NF1: variants seen among roughly 807,000 people sequenced by gnomAD.
The protein encoded by NF1 is neurofibromin 1, also known as neurofibromin.
NF1 carries 122 observed loss-of-function variants against 325.7 expected under a neutral mutation model. That is an observed-to-expected ratio of 0.37 (90% CI 0.32 to 0.44). The LOEUF is 0.44. NF1 is among the 20% of genes least tolerant of loss of function. The pLI, the probability that NF1 is intolerant of heterozygous loss-of-function variation, is 1.00. For missense variants in NF1, 2,140 were observed against 3,415.4 expected (o/e 0.63, Z 9.31); for synonymous variants, 1,091 against 1,186.0 (o/e 0.92, Z 1.65).
intron 1 of NF1, among the ~76,000 whole-genome samples, chr17:31,097,138 C>T (rs1031218165): frequency 1.3e-5 from 2 of 151,578 alleles, no homozygotes; most frequent in Non-Finnish European, 2.9e-5. Flanking sequence ...GCTTATTTGC[C>T]ATATTGGAAA....
At chr17:31,242,025 T>G (rs1035374047) in intron 29 of NF1, among the ~76,000 whole-genome samples, 2 of 152,076 alleles carry the variant, frequency 1.3e-5, no homozygotes, top group Non-Finnish European at 2.9e-5. Context: ...GGTAAAAGTT[T>G]TTTTTTTTTC....
At position 31,259,077 on chromosome 17, in the gene NF1, C is replaced by G. The variant is rs377295676; in HGVS notation, c.4378C>G (p.His1460Asp). The G allele has an allele frequency of 6.2e-7, 1 of 1,604,778 alleles. No individual in the cohort carries two copies. The highest frequency in any genetic ancestry group is 8.5e-7 in the Non-Finnish European group (1 of 1,174,540). Reference sequence around the variant, plus strand: ...TCATGTTCTCTTCACAAAAGAAGAACATATGCGGCCTTTCAATGATTTTGT... The same window carrying G: ...TCATGTTCTCTTCACAAAAGAAGAAGATATGCGGCCTTTCAATGATTTTGT... ...ANHVLFTKEE[H>D]MRPFNDFVKS... Residue 1460 changes from histidine to aspartate, a missense_variant, in exon 33 of 58, where the codon CAT becomes GAT. Physicochemically the swap from His to Asp is moderately conservative, Grantham distance 81. This residue lies in a region of NF1 where 336 missense variants were observed against 399.0 expected (regional missense o/e 0.84). Coordinates refer to ENST00000358273, the MANE Select transcript of NF1 (RefSeq NM_001042492.3).
chr17:31,270,989 C>G (rs2067883447), intron 36 of NF1, among the ~76,000 whole-genome samples: 1 of 152,152 alleles, frequency 6.6e-6, no homozygotes, highest in Non-Finnish European at 1.5e-5. Context: ...TCATTTATTA[C>G]TAAAGTTTGG....
At chr17:31,248,220 C>CCCAA (rs2067432337) in intron 29 of NF1, among the ~76,000 whole-genome samples, 9 of 126,222 alleles carry the variant, frequency 7.1e-5, no homozygotes, top group Non-Finnish European at 9.9e-5. Context: ...CACCCCCCAC[C>CCCAA]AAAAAAAAAA....
intron 4 of NF1, among the ~76,000 whole-genome samples, chr17:31,166,244 C>T (rs974590542): frequency 2.6e-5 from 4 of 151,916 alleles, no homozygotes; most frequent in African/African-American, 7.3e-5. Context: ...CAAATCTGTT[C>T]GTTATGGTTT....
intron 36 of NF1, chr17:31,305,527 G>A (rs1479318642): frequency 3.7e-6 from 6 of 1,614,124 alleles, no homozygotes; most frequent in Middle Eastern, 1.6e-4. Context: ...CTGCTTCTCT[G>A]TTGTAATTGT....
At chr17:31,287,473 G>A (rs1375144661) in intron 36 of NF1, among the ~76,000 whole-genome samples, 3 of 152,080 alleles carry the variant, frequency 2.0e-5, no homozygotes, top group Admixed American at 6.6e-5. Flanking sequence ...AGACAAGAGC[G>A]AAGCAGTTTT....
At chr17:31,254,030 C>T (rs983532374) in intron 31 of NF1, 1 of 151,790 alleles carries the variant, frequency 6.6e-6, no homozygotes, top group African/African-American at 2.4e-5. Flanking sequence ...CTTTGGGAGA[C>T]CAAGGTGGGA....
intron 1 of NF1, among the ~76,000 whole-genome samples, chr17:31,103,565 T>C (rs1262845850): frequency 6.6e-6 from 1 of 152,002 alleles, no homozygotes; most frequent in African/African-American, 2.4e-5. Context: ...ATTTTTACTA[T>C]AGACGGGGTT....
intron 8 of NF1, among the ~76,000 whole-genome samples, 154 bp from the exon 9 acceptor site, chr17:31,200,268 C>T (rs935286910): frequency 6.6e-6 from 1 of 151,550 alleles, no homozygotes; most frequent in Non-Finnish European, 1.5e-5. Context: ...AAATGATGAC[C>T]ACTACTTAAA....
intron 44 of NF1, 38 bp downstream of exon 44, chr17:31,337,918 A>C (rs764513781): frequency 6.3e-7 from 1 of 1,585,112 alleles, no homozygotes; most frequent in East Asian, 2.3e-5. Flanking sequence ...AAAAATATGC[A>C]TATTGTTGAA....
In NF1 at chr17:31,356,448, T is replaced by G; in HGVS notation, c.7616-12T>G. 6.2e-7 allele frequency: 1 copy of G among 1,612,724 alleles called. No homozygotes were observed. The highest frequency in any genetic ancestry group is 8.5e-7 in the Non-Finnish European group (1 of 1,178,980). On this transcript the variant is annotated splice_polypyrimidine_tract_variant and intron_variant, in intron 51 of 57. Coordinates refer to ENST00000358273, the MANE Select transcript of NF1 (RefSeq NM_001042492.3). ...GTTAATGAACTTGCATATTCTTAAC[T>G]TTTGTTTATAGGAACAAGGAAAAGT...
At chr17:31,095,548 T>A in intron 1 of NF1, 179 bp downstream of exon 1, 1 of 439,394 alleles carries the variant, frequency 2.3e-6, no homozygotes, top group Non-Finnish European at 4.1e-6. Flanking sequence ...AGGTGAGGGG[T>A]AGGAGGGGAC....
intron 31 of NF1, among the ~76,000 whole-genome samples, chr17:31,256,386 G>A (rs1469764937): frequency 2.0e-5 from 3 of 152,120 alleles, no homozygotes; most frequent in Non-Finnish European, 4.4e-5. Context: ...TGATCTGCCC[G>A]CCTCGGCCTC....
intron 1 of NF1, among the ~76,000 whole-genome samples, chr17:31,147,686 G>A (rs1027065321): frequency 3.3e-5 from 5 of 152,130 alleles, no homozygotes; most frequent in African/African-American, 1.2e-4. Flanking sequence ...ATTTGCTCCT[G>A]TTTGTAGAAG....
intron 29 of NF1, among the ~76,000 whole-genome samples, chr17:31,239,216 G>T (rs1034981730): frequency 4.6e-5 from 7 of 152,198 alleles, no homozygotes; most frequent in African/African-American, 1.7e-4. Context: ...GATGGGTAAT[G>T]TAAGCAGAGA....
At position 31,243,214 on chromosome 17, in the gene NF1, T is replaced by TGTGTGTGTGTGTGTGTG. The variant is rs1369781933; in HGVS notation, c.3975-5769_3975-5768insTGTGTGTGTGTGTGTGG. On this transcript the variant is annotated intron_variant, in intron 29 of 57. Coordinates refer to ENST00000358273, the MANE Select transcript of NF1 (RefSeq NM_001042492.3). ...TGTGTGTGTGTGTGTGTGTGTGTGT[T>TGTGTGTGTGTGTGTGTG]GAGCTGCCTGGAGCTGGGGGAGGGG... 2.1e-3 allele frequency among the ~76,000 whole-genome samples: 150 copies of TGTGTGTGTGTGTGTGTG among 70,550 alleles called. 1 individual carries two copies. Among genetic ancestry groups the TGTGTGTGTGTGTGTGTG allele is most frequent in the African/African-American group, 8.5e-3 (139 of 16,376 alleles). The allele number at this position is 70,550 out of a possible 152,430, so 46.3% of individuals were successfully genotyped here. A position where few individuals can be genotyped will look rare whatever the true frequency, so the allele number is the denominator to read the frequency against.
At chr17:31,367,961 A>G (rs1454625803) in intron 57 of NF1, among the ~76,000 whole-genome samples, 1 of 142,506 alleles carries the variant, frequency 7.0e-6, no homozygotes, top group African/African-American at 2.9e-5. Flanking sequence ...AAAAAAATTA[A>G]AAAAAAAAAA....
Position 31,214,596 on chromosome 17 carries a change from T to C in NF1, c.1527+11T>C, listed in dbSNP as rs996533596. 2.5e-6 allele frequency: 4 copies of C among 1,612,288 alleles called. No individual in the cohort carries two copies. The highest frequency in any genetic ancestry group is 3.4e-6 in the Non-Finnish European group (4 of 1,178,914). On this transcript the variant is annotated intron_variant, in intron 13 of 57. Transcript: ENST00000358273. ...AAGCTCTTGCTTTGTGTAAGTATTTTTTTATGAAATGTCTCAAAATTATCA... is the reference window on the plus strand; with the variant it reads ...AAGCTCTTGCTTTGTGTAAGTATTTCTTTATGAAATGTCTCAAAATTATCA...
Sources: gnomAD v4.1 joint callset for allele counts (sites outside exome capture counted in the v4.1 genomes callset) on GRCh38, gnomAD v4.1.1 for gene constraint, gnomAD v4.1.1 regional missense constraint, MANE v1.5 for transcripts, NCBI Gene and HGNC (gene_info 2026-07-23, HGNC 2026-07-21) for gene names.